The following EPB41L2 variants were observed in gnomAD, a reference collection of about 807,000 sequenced individuals.
EPB41L2 encodes erythrocyte membrane protein band 4.1 like 2.
In EPB41L2, 43 loss-of-function variants were observed where a neutral mutation model predicts 113.0. The ratio of observed to expected loss-of-function variants is 0.38; its 90% CI spans 0.30 to 0.49. The LOEUF is 0.49. Among genes scored for constraint, EPB41L2 ranks in the 20% least tolerant of loss-of-function variants. The probability of loss-of-function intolerance (pLI) is 0.95; values close to 1 mark genes in which losing one functional copy is unlikely to be tolerated. For missense variants in EPB41L2, 1,147 were observed against 1,223.4 expected (o/e 0.94, Z 0.93); for synonymous variants, 442 against 436.7 (o/e 1.01, Z -0.15).
chr6:130,967,883 C>G (rs1419976519), intron 1 of EPB41L2, among the ~76,000 whole-genome samples: 5 of 152,088 alleles, frequency 3.3e-5, no homozygotes, highest in African/African-American at 1.2e-4. Flanking sequence ...TTGGGCCACC[C>G]CCCTATTAAT....
intron 1 of EPB41L2, among the ~76,000 whole-genome samples, chr6:131,028,148 C>T (rs1420113457): frequency 6.6e-6 from 1 of 152,186 alleles, no homozygotes; most frequent in African/African-American, 2.4e-5. Flanking sequence ...TCTAGAGCAA[C>T]ATCAGGATTA....
chr6:130,918,724 A>C (rs1409936051), intron 4 of EPB41L2, among the ~76,000 whole-genome samples: 1 of 152,166 alleles, frequency 6.6e-6, no homozygotes, highest in Non-Finnish European at 1.5e-5. Context: ...TTTGTATACA[A>C]ATAATCGTGG....
intron 19 of EPB41L2, among the ~76,000 whole-genome samples, chr6:130,853,771 T>C (rs1474715432): frequency 8.5e-5 from 13 of 152,194 alleles, no homozygotes. Flanking sequence ...AGGAGAGCTT[T>C]ATGTGCCTGA....
intron 19 of EPB41L2, among the ~76,000 whole-genome samples, chr6:130,847,581 A>G (rs1039040206): frequency 3.0e-4 from 45 of 152,196 alleles, no homozygotes; most frequent in African/African-American, 1.0e-3. Context: ...ACTAATTCCC[A>G]TGTTTACCAT....
At chr6:130,870,350 G>C (rs772021597) in intron 14 of EPB41L2, 285 of 1,550,544 alleles carry the variant, frequency 1.8e-4, no homozygotes, top group Non-Finnish European at 2.3e-4. Flanking sequence ...CCTGGCTCCA[G>C]TGCAAGGCCC....
Position 130,926,720 on chromosome 6 carries a change from AAT to A in EPB41L2, c.706-13_706-12del, listed in dbSNP as rs1381573800. The A allele has an allele frequency of 6.4e-7, 1 of 1,562,636 alleles. No individual in the cohort carries two copies. The highest frequency in any genetic ancestry group is 8.7e-7 in the Non-Finnish European group (1 of 1,150,722). On this transcript the variant is annotated splice_polypyrimidine_tract_variant and intron_variant, in intron 3 of 19. Coordinates refer to ENST00000337057, the MANE Select transcript of EPB41L2 (RefSeq NM_001431.4). ...TCCCTTGGCATGTTTCTGGAGAAAA[AAT>A]AATAACTTTACTTTTCAAGTACTAA...
At chr6:131,058,533 C>CAA (rs1043945738) in intron 1 of EPB41L2, among the ~76,000 whole-genome samples, 13 of 152,254 alleles carry the variant, frequency 8.5e-5, no homozygotes, top group African/African-American at 3.1e-4. Flanking sequence ...TCAACTCTAT[C>CAA]AAAGAATCTT....
At chr6:131,060,673 T>C (rs1033223704) in intron 1 of EPB41L2, among the ~76,000 whole-genome samples, 12 of 152,242 alleles carry the variant, frequency 7.9e-5, no homozygotes, top group African/African-American at 2.9e-4. Context: ...TATCTAATGA[T>C]GGACCCAGGC....
chr6:130,983,409 C>A (rs1204831247), intron 1 of EPB41L2, among the ~76,000 whole-genome samples: 2 of 152,076 alleles, frequency 1.3e-5, no homozygotes, highest in Non-Finnish European at 2.9e-5. Flanking sequence ...AGTGTACTTA[C>A]AACGTACATG....
At chr6:130,962,135 A>T (rs1411468739) in intron 1 of EPB41L2, among the ~76,000 whole-genome samples, 1 of 152,186 alleles carries the variant, frequency 6.6e-6, no homozygotes, top group East Asian at 1.9e-4. Flanking sequence ...GCACTATTTG[A>T]TGCCATCAAA....
intron 1 of EPB41L2, among the ~76,000 whole-genome samples, chr6:130,997,756 G>A (rs116402194): frequency 0.016 from 2,474 of 152,204 alleles, 68 homozygotes; most frequent in African/African-American, 0.056. Flanking sequence ...CATTTCAGGG[G>A]GGAAAAGGCA....
At chr6:131,007,216 T>C (rs1469952196) in intron 1 of EPB41L2, among the ~76,000 whole-genome samples, 2 of 152,176 alleles carry the variant, frequency 1.3e-5, no homozygotes, top group East Asian at 1.9e-4. Flanking sequence ...GTTTCCCCGA[T>C]TCTGTTCTCG....
intron 1 of EPB41L2, among the ~76,000 whole-genome samples, chr6:131,022,420 T>C (rs1417620950): frequency 6.6e-6 from 1 of 152,198 alleles, no homozygotes; most frequent in East Asian, 1.9e-4. Flanking sequence ...TATATATAGA[T>C]AACCCTCCAC....
At chr6:130,978,581 C>G (rs919930695) in intron 1 of EPB41L2, 3 of 152,202 alleles carry the variant, frequency 2.0e-5, no homozygotes, top group East Asian at 1.9e-4. Flanking sequence ...TAAAAAATAT[C>G]TAATATCAAG....
At chr6:131,054,948 A>T (rs754676306) in intron 1 of EPB41L2, among the ~76,000 whole-genome samples, 6 of 152,096 alleles carry the variant, frequency 3.9e-5, no homozygotes, top group Non-Finnish European at 7.4e-5. Context: ...CACAAGAAAC[A>T]CTGTGCTTTG....
At chr6:130,927,511 G>A (rs574088181) in intron 3 of EPB41L2, among the ~76,000 whole-genome samples, 9 of 151,990 alleles carry the variant, frequency 5.9e-5, no homozygotes, top group Non-Finnish European at 1.3e-4. Context: ...TCAGACACAC[G>A]CCTCCTCCCC....
chr6:130,946,806 T>C (rs1812995726), intron 3 of EPB41L2, among the ~76,000 whole-genome samples: 1 of 152,154 alleles, frequency 6.6e-6, no homozygotes, highest in Non-Finnish European at 1.5e-5. Context: ...CCCCATGAAT[T>C]ATGTTTTTTG....
intron 4 of EPB41L2, among the ~76,000 whole-genome samples, chr6:130,920,461 T>G (rs1391032556): frequency 1.3e-5 from 2 of 152,168 alleles, no homozygotes; most frequent in Non-Finnish European, 2.9e-5. Context: ...AACACTTCTT[T>G]AAACAACAAT....
At chr6:130,851,088 T>A (rs562303138) in intron 19 of EPB41L2, among the ~76,000 whole-genome samples, 1 of 152,278 alleles carries the variant, frequency 6.6e-6, no homozygotes, top group Non-Finnish European at 1.5e-5. Flanking sequence ...CTAACACAAC[T>A]AGGCAAACAG....
Sources: allele counts gnomAD v4.1 joint callset (sites outside exome capture counted in the v4.1 genomes callset), GRCh38; gene constraint gnomAD v4.1.1; transcripts MANE v1.5; gene names NCBI Gene and HGNC (gene_info 2026-07-23, HGNC 2026-07-21).